The following DLGAP2 variants were observed in gnomAD, a reference collection of about 807,000 sequenced individuals.
DLGAP2 encodes the protein disks large-associated protein 2.
A neutral mutation model predicts 100.3 loss-of-function variants in DLGAP2; 26 were observed. The ratio of observed to expected loss-of-function variants is 0.26; its 90% CI spans 0.19 to 0.36. DLGAP2 has a LOEUF of 0.36. Ranked by LOEUF, DLGAP2 falls within the 10% of genes least tolerant of loss-of-function variation. The pLI is 1.00. For synonymous variants in DLGAP2, 886 were observed against 630.1 expected, an observed-to-expected ratio of 1.41 and a Z score of -6.08; for missense variants, 1,858 against 1,453.2, an observed-to-expected ratio of 1.28 and a Z score of -4.53.
intron 3 of DLGAP2, among the ~76,000 whole-genome samples, chr8:1,412,044 A>G (rs1035451149): frequency 6.6e-6 from 1 of 152,204 alleles, no homozygotes; most frequent in African/African-American, 2.4e-5. Context: ...ATGTCCTGCC[A>G]TGGACCCTCA....
intron 3 of DLGAP2, among the ~76,000 whole-genome samples, chr8:1,466,914 C>G (rs1477034928): frequency 6.6e-6 from 1 of 152,034 alleles, no homozygotes; most frequent in African/African-American, 2.4e-5. Context: ...CCTAAACACA[C>G]CTTTTAGAAA....
rs145863709 is a variant in DLGAP2 at position 1,090,798 on chromosome 8, T to C, written c.74-168053T>C. 9.5e-4 allele frequency among the ~76,000 whole-genome samples: 144 copies of C among 152,346 alleles called. 1 individual carries two copies. The highest frequency in any genetic ancestry group is 3.3e-3 in the African/African-American group (139 of 41,592). On this transcript the variant is annotated intron_variant, in intron 2 of 14. Transcript: ENST00000637795. ...ATTATTATTTAGTACAAAAGCTGAA[T>C]GTAGGGAAAATTCTTTTCATCGAGG...
intron 2 of DLGAP2, among the ~76,000 whole-genome samples, chr8:1,244,561 A>G (rs901276364): frequency 6.6e-6 from 1 of 152,186 alleles, no homozygotes; most frequent in African/African-American, 2.4e-5. Flanking sequence ...TAGGATTTCT[A>G]CAAATGGTAT....
chr8:919,743 C>T (rs1241852703), intron 2 of DLGAP2, among the ~76,000 whole-genome samples: 1 of 152,028 alleles, frequency 6.6e-6, no homozygotes, highest in African/African-American at 2.4e-5. Context: ...GGGCCGTGCT[C>T]GCCACCACCC....
intron 10 of DLGAP2, among the ~76,000 whole-genome samples, chr8:1,675,323 C>T (rs1002847376): frequency 1.3e-5 from 2 of 152,232 alleles, no homozygotes; most frequent in East Asian, 1.9e-4. Context: ...AGGGCGCGCT[C>T]CTGAGCAAGT....
intron 3 of DLGAP2, among the ~76,000 whole-genome samples, chr8:1,413,534 T>C (rs137956110): frequency 3.3e-5 from 5 of 152,316 alleles, no homozygotes; most frequent in African/African-American, 1.2e-4. Context: ...TATAGAGTTA[T>C]AATGGAAATG....
intron 2 of DLGAP2, among the ~76,000 whole-genome samples, chr8:1,012,378 C>A (rs891500955): frequency 2.6e-5 from 4 of 152,244 alleles, no homozygotes; most frequent in East Asian, 1.9e-4. Flanking sequence ...AGAAAGCGCC[C>A]GCGGCAAATG....
chr8:1,602,402 G>A (rs1796657371), intron 6 of DLGAP2, among the ~76,000 whole-genome samples: 1 of 152,142 alleles, frequency 6.6e-6, no homozygotes, highest in Admixed American at 6.6e-5. Context: ...CTTCAAAGTT[G>A]GGCATTATTA....
intron 12 of DLGAP2, among the ~76,000 whole-genome samples, chr8:1,682,682 C>T (rs577997931): frequency 2.6e-5 from 4 of 151,334 alleles, no homozygotes; most frequent in South Asian, 2.1e-4. Flanking sequence ...CCATGTTGGC[C>T]AGGATAATCG....
At chr8:1,456,346 T>G (rs567467848) in intron 3 of DLGAP2, among the ~76,000 whole-genome samples, 4 of 152,220 alleles carry the variant, frequency 2.6e-5, no homozygotes, top group Non-Finnish European at 5.9e-5. Flanking sequence ...GCCCTTTAAA[T>G]ATGACCGAAA....
intron 2 of DLGAP2, among the ~76,000 whole-genome samples, chr8:1,050,858 C>G (rs12678495): frequency 0.45 from 68,375 of 151,838 alleles, 16,006 homozygotes; most frequent in African/African-American, 0.58. Context: ...CATAGATTTC[C>G]ATGCGGCAGT....
chr8:1,011,914 G>A (rs921298920), intron 2 of DLGAP2, among the ~76,000 whole-genome samples: 9 of 152,348 alleles, frequency 5.9e-5, no homozygotes, highest in Admixed American at 5.2e-4. Context: ...TTTTACCGAG[G>A]ATGCTCTCTT....
chr8:1,299,808 T>C (rs1800287313), intron 3 of DLGAP2: 2 of 152,216 alleles, frequency 1.3e-5, no homozygotes, highest in African/African-American at 4.8e-5. Context: ...GAAGCAACTT[T>C]CTTATGTAAG....
chr8:1,668,070 C>T (rs58815430), intron 8 of DLGAP2, among the ~76,000 whole-genome samples: 15,385 of 150,232 alleles, frequency 0.1, 935 homozygotes, highest in Middle Eastern at 0.21. Flanking sequence ...GCCACGCCTG[C>T]GTGCTGTCCT....
chr8:1,246,525 C>G (rs1311258540), intron 2 of DLGAP2, among the ~76,000 whole-genome samples: 3 of 152,234 alleles, frequency 2.0e-5, no homozygotes, highest in African/African-American at 7.2e-5. Flanking sequence ...TCATCATGCT[C>G]TTCTGCCTCA....
chr8:1,392,548 G>C (rs1033238072), intron 3 of DLGAP2, among the ~76,000 whole-genome samples: 1 of 152,202 alleles, frequency 6.6e-6, no homozygotes, highest in Non-Finnish European at 1.5e-5. Context: ...AAAGCAAATA[G>C]ACCTTGTCCG....
intron 2 of DLGAP2, among the ~76,000 whole-genome samples, chr8:1,201,351 G>A (rs995031830): frequency 6.6e-6 from 1 of 152,196 alleles, no homozygotes; most frequent in African/African-American, 2.4e-5. Context: ...CTCCCGCTCA[G>A]GGGCCGTGGG....
intron 1 of DLGAP2, among the ~76,000 whole-genome samples, chr8:781,907 T>C (rs1348035756): frequency 6.6e-6 from 1 of 152,166 alleles, no homozygotes; most frequent in Non-Finnish European, 1.5e-5. Flanking sequence ...GATAGGATAA[T>C]ACCACTGCTA....
intron 2 of DLGAP2, among the ~76,000 whole-genome samples, chr8:1,176,443 G>C (rs142713093): frequency 6.6e-6 from 1 of 152,218 alleles, no homozygotes; most frequent in South Asian, 2.1e-4. Context: ...TTTGTTCTGA[G>C]TATTTACATG....
Sources: gnomAD v4.1 joint callset for allele counts (sites outside exome capture counted in the v4.1 genomes callset) on GRCh38, gnomAD v4.1.1 for gene constraint, MANE v1.5 for transcripts, NCBI Gene and HGNC (gene_info 2026-07-23, HGNC 2026-07-21) for gene names.